TRPC4: variants seen among roughly 807,000 people sequenced by gnomAD.
TRPC4 encodes the protein short transient receptor potential channel 4.
TRPC4 carries 49 observed loss-of-function variants against 99.4 expected under a neutral mutation model. That is an observed-to-expected ratio of 0.49 (90% CI 0.39 to 0.63). TRPC4 has a LOEUF of 0.63. Among genes scored for constraint, TRPC4 ranks in the 20% least tolerant of loss-of-function variants. The pLI is 0.00. For missense variants in TRPC4, 898 were observed against 1,152.9 expected, an observed-to-expected ratio of 0.78 and a Z score of 3.20; for synonymous variants, 454 against 425.9, an observed-to-expected ratio of 1.07 and a Z score of -0.81.
chr13:37,699,027 G>C (rs1954015685), intron 3 of TRPC4, among the ~76,000 whole-genome samples: 1 of 152,112 alleles, frequency 6.6e-6, no homozygotes, highest in African/African-American at 2.4e-5. Flanking sequence ...GGGATTAAGA[G>C]CACATAAGCC....
At chr13:37,706,068 A>C (rs1954264762) in intron 3 of TRPC4, among the ~76,000 whole-genome samples, 1 of 152,048 alleles carries the variant, frequency 6.6e-6, no homozygotes, top group African/African-American at 2.4e-5. Context: ...CCTATCCCCT[A>C]TATCTCCAGC....
chr13:37,762,958 A>G (rs1319692157), intron 2 of TRPC4, among the ~76,000 whole-genome samples: 1 of 151,620 alleles, frequency 6.6e-6, no homozygotes, highest in Non-Finnish European at 1.5e-5. Context: ...TTATGGTCAA[A>G]TTGGTTAAGA....
intron 3 of TRPC4, among the ~76,000 whole-genome samples, chr13:37,741,169 T>C (rs976962636): frequency 2.0e-5 from 3 of 152,208 alleles, no homozygotes; most frequent in African/African-American, 7.2e-5. Context: ...TTCACAATAT[T>C]GTCAATCATG....
chr13:37,637,549 T>G lies in TRPC4; in HGVS notation c.2288A>C (p.Gln763Pro). The G allele has an allele frequency of 1.2e-6, 2 of 1,613,298 alleles. No individual in the cohort carries two copies. The highest frequency in any genetic ancestry group is 1.1e-5 in the South Asian group (1 of 90,970). ...AGACTCCTTCGAGGCATTCGCAGAT[T>G]GTATTGTGGAAAGTTTGCTTCCTCT... ...LLRGSKLSTI[Q>P]SANASKESSN... The change falls in exon 11 of 11, where the codon CAA becomes CCA. Residue 763 changes from glutamine (Q) to proline (P), a missense_variant. Gln to Pro is a moderately conservative substitution (Grantham distance 76). Transcript: ENST00000379705.
chr13:37,828,961 CTA>C (rs1474873828), intron 1 of TRPC4, among the ~76,000 whole-genome samples: 3 of 151,996 alleles, frequency 2.0e-5, no homozygotes, highest in Non-Finnish European at 4.4e-5. Context: ...ACCCCTGAAA[CTA>C]AAATAAAAGT....
intron 4 of TRPC4, among the ~76,000 whole-genome samples, chr13:37,686,177 A>G (rs1274875261): frequency 6.6e-6 from 1 of 152,112 alleles, no homozygotes; most frequent in African/African-American, 2.4e-5. Context: ...TGGGAAATTC[A>G]GCGGTGAGGC....
At position 37,752,075 on chromosome 13, in the gene TRPC4, C is replaced by CTATATATATATATATATATATA. The variant is rs10528143; in HGVS notation, c.379-5621_379-5620insTATATATATATATATATATATA. Among the ~76,000 whole-genome samples the CTATATATATATATATATATATA allele has an allele frequency of 1.7e-3, 126 of 73,920 alleles. 14 individuals are homozygous for CTATATATATATATATATATATA. The highest frequency in any genetic ancestry group is 5.2e-3 in the African/African-American group (91 of 17,584). The allele number at this position is 73,920 out of a possible 152,430, so 48.5% of individuals were successfully genotyped here. ...TACCAAAACCTGATAAAGCAGAAAA[C>CTATATATATATATATATATATA]TATATATATATATATATATATGACT... On this transcript the variant is annotated intron_variant, in intron 2 of 10. Transcript: ENST00000379705.
At chr13:37,674,398 T>C (rs777089523) in intron 4 of TRPC4, 31 bp from the exon 5 acceptor site, 10 of 1,588,678 alleles carry the variant, frequency 6.3e-6, no homozygotes, top group South Asian at 1.2e-5. Context: ...ATTGTAAGTA[T>C]GATTTCAATA....
chr13:37,708,503 C>T (rs1954366505), intron 3 of TRPC4, among the ~76,000 whole-genome samples: 1 of 151,738 alleles, frequency 6.6e-6, no homozygotes, highest in Non-Finnish European at 1.5e-5. Context: ...TTTTTCCTTC[C>T]CTAATTTCAG....
intron 1 of TRPC4, among the ~76,000 whole-genome samples, chr13:37,828,278 C>T (rs952883061): frequency 6.6e-5 from 10 of 152,118 alleles, no homozygotes; most frequent in Non-Finnish European, 1.0e-4. Context: ...TGTTCCTATT[C>T]GGCCATCTTG....
intron 1 of TRPC4, among the ~76,000 whole-genome samples, chr13:37,841,504 T>A (rs1026098640): frequency 6.6e-6 from 1 of 151,676 alleles, no homozygotes; most frequent in African/African-American, 2.4e-5. Context: ...CCATATCTAA[T>A]AAATAGCTAA....
intron 1 of TRPC4, among the ~76,000 whole-genome samples, chr13:37,834,298 A>G (rs1958501437): frequency 6.6e-6 from 1 of 152,180 alleles, no homozygotes; most frequent in Non-Finnish European, 1.5e-5. Context: ...AACCTAAATT[A>G]TGTGTTGTTT....
intron 1 of TRPC4, among the ~76,000 whole-genome samples, chr13:37,790,825 G>A (rs2139385909): frequency 6.6e-6 from 1 of 152,156 alleles, no homozygotes; most frequent in Admixed American, 6.6e-5. Flanking sequence ...ATTGAACTTA[G>A]CTTTGCTTTA....
intron 3 of TRPC4, among the ~76,000 whole-genome samples, chr13:37,711,021 A>G (rs1231148027): frequency 1.3e-5 from 2 of 152,028 alleles, no homozygotes; most frequent in Non-Finnish European, 2.9e-5. Context: ...TTCACAAAGT[A>G]ACCACAAAAC....
chr13:37,790,427 T>C (rs1819517317), intron 1 of TRPC4, among the ~76,000 whole-genome samples: 1 of 152,140 alleles, frequency 6.6e-6, no homozygotes, highest in Non-Finnish European at 1.5e-5. Context: ...CAACATTAAT[T>C]AGTTGTTTAT....
chr13:37,649,437 T>C (rs1184930208), intron 8 of TRPC4, among the ~76,000 whole-genome samples: 1 of 152,032 alleles, frequency 6.6e-6, no homozygotes, highest in Non-Finnish European at 1.5e-5. Context: ...TAATTGCTTA[T>C]TAAATCTAAG....
At position 37,663,435 on chromosome 13, in the gene TRPC4, G is replaced by T. The variant is rs1952522462; in HGVS notation, c.1669C>A (p.Gln557Lys). ...LTCKGIRCEK[Q>K]NNAFSTLFET... ...ACTTACGTTGAAAATGCATTATTCT[G>T]CTTTTCACATCTTATGCCTTTGCAG... is the stretch of plus-strand genomic sequence containing the variant. The change falls in exon 6 of 11, where the codon CAG becomes AAG. Residue 557 changes from glutamine (Q) to lysine (K), a missense_variant. Coordinates refer to ENST00000379705, the MANE Select transcript of TRPC4 (RefSeq NM_016179.4). The T allele has an allele frequency of 1.9e-6, 3 of 1,613,102 alleles. No individual in the cohort carries two copies. The highest frequency in any genetic ancestry group is 8.5e-7 in the Non-Finnish European group (1 of 1,179,608).
At chr13:37,855,711 A>T (rs977240519) in intron 1 of TRPC4, among the ~76,000 whole-genome samples, 3 of 151,916 alleles carry the variant, frequency 2.0e-5, no homozygotes, top group Admixed American at 6.6e-5. Context: ...ATAAAACTAC[A>T]AATCAATAAC....
chr13:37,715,989 A>G (rs1323905006), intron 3 of TRPC4, among the ~76,000 whole-genome samples: 1 of 152,214 alleles, frequency 6.6e-6, no homozygotes, highest in Non-Finnish European at 1.5e-5. Context: ...GCCAAGGCGT[A>G]CACATAGGCA....
Sources: allele counts gnomAD v4.1 joint callset (sites outside exome capture counted in the v4.1 genomes callset), GRCh38; gene constraint gnomAD v4.1.1; transcripts MANE v1.5; gene names NCBI Gene and HGNC (gene_info 2026-07-23, HGNC 2026-07-21).